The following HSD17B12 variants were observed in gnomAD, a reference collection of about 807,000 sequenced individuals.
HSD17B12 encodes hydroxysteroid 17-beta dehydrogenase 12.
In HSD17B12, 32 loss-of-function variants were observed where a neutral mutation model predicts 39.3. The observed-to-expected ratio is 0.81, with a 90% CI of 0.61 to 1.09. The LOEUF (loss-of-function observed/expected upper bound fraction) is 1.09, where lower values mean the gene tolerates loss of function less well. Ranked by LOEUF, HSD17B12 falls within the 50% of genes least tolerant of loss-of-function variation. The probability of loss-of-function intolerance (pLI) is 0.00; values close to 1 mark genes in which losing one functional copy is unlikely to be tolerated. For missense variants in HSD17B12, 342 were observed against 382.9 expected, an observed-to-expected ratio of 0.89 and a Z score of 0.89; for synonymous variants, 150 against 146.7, an observed-to-expected ratio of 1.02 and a Z score of -0.16.
At chr11:43,581,695 CA>C in the HSD17B12 span, among the ~76,000 whole-genome samples, 3 of 152,106 alleles carry the variant, frequency 2.0e-5, no homozygotes, top group Non-Finnish European at 4.4e-5. The surrounding 1 kb of genome is among the most constrained non-coding windows in gnomAD (Gnocchi z 4.9). Context: ...CTTTGTATCA[CA>C]GGGGGAACTG....
At chr11:43,609,769 C>T in the HSD17B12 span, among the ~76,000 whole-genome samples, 1 of 152,344 alleles carries the variant, frequency 6.6e-6, no homozygotes, top group South Asian at 2.1e-4. Context: ...CATTAACTAT[C>T]TCTGCCAGGT....
intron 3 of HSD17B12, among the ~76,000 whole-genome samples, chr11:43,785,307 T>G (rs1169233973): frequency 6.6e-6 from 1 of 152,172 alleles, no homozygotes; most frequent in Non-Finnish European, 1.5e-5. Context: ...CATATTCATA[T>G]CTAGCAAGGA....
chr11:43,565,656 G>A, the HSD17B12 span, among the ~76,000 whole-genome samples: 1 of 152,178 alleles, frequency 6.6e-6, no homozygotes, highest in African/African-American at 2.4e-5. Context: ...TAAATTAGCT[G>A]TCCCAGCTGT....
At chr11:43,653,464 A>C in the HSD17B12 span, among the ~76,000 whole-genome samples, 3 of 152,132 alleles carry the variant, frequency 2.0e-5, 1 homozygote, top group South Asian at 6.3e-4. Flanking sequence ...GCTTTGTTAC[A>C]TATGTATACC....
At chr11:43,718,307 G>A (rs7117036) in intron 1 of HSD17B12, among the ~76,000 whole-genome samples, 51,315 of 152,064 alleles carry the variant, frequency 0.34, 10,929 homozygotes, top group East Asian at 0.72. Context: ...TTTCTTCCAC[G>A]TGCAGAATAT....
chr11:43,766,811 G>T (rs16937628), intron 3 of HSD17B12, among the ~76,000 whole-genome samples: 5,710 of 152,232 alleles, frequency 0.038, 354 homozygotes, highest in African/African-American at 0.13. Flanking sequence ...GGCACACATG[G>T]TTTTTTAAGC....
At chr11:43,706,195 A>G (rs933184573) in intron 1 of HSD17B12, among the ~76,000 whole-genome samples, 3 of 136,346 alleles carry the variant, frequency 2.2e-5, no homozygotes, top group Non-Finnish European at 3.5e-5. Context: ...GAGATTGTTT[A>G]TCTTTAATAG....
At chr11:43,712,741 C>T (rs1269802616) in intron 1 of HSD17B12, among the ~76,000 whole-genome samples, 1 of 152,116 alleles carries the variant, frequency 6.6e-6, no homozygotes, top group Non-Finnish European at 1.5e-5. Flanking sequence ...GCAAAATTAA[C>T]TTTCTAAACT....
chr11:43,790,597 G>T (rs183327787), intron 3 of HSD17B12, among the ~76,000 whole-genome samples: 5 of 152,316 alleles, frequency 3.3e-5, no homozygotes, highest in African/African-American at 9.6e-5. Flanking sequence ...TGGGTGGTGT[G>T]TACAGCATGG....
chr11:43,673,650 C>T, the HSD17B12 span, among the ~76,000 whole-genome samples: 1 of 126,068 alleles, frequency 7.9e-6, no homozygotes, highest in African/African-American at 2.9e-5. Flanking sequence ...CACCACCAAG[C>T]CCAGCTAGTT....
rs1565114782 is a variant in HSD17B12, at chr11:43,855,236, CAAG to C, written c.933_935del (p.Lys311del). 6.2e-7 allele frequency: 1 copy of C among 1,600,892 alleles called. No homozygotes were observed. The highest frequency in any genetic ancestry group is 1.1e-5 in the South Asian group (1 of 89,408). On this transcript the variant is annotated inframe_deletion, in exon 11 of 11. Coordinates refer to ENST00000278353, the MANE Select transcript of HSD17B12 (RefSeq NM_016142.3). ...CACGGGCTCACTATCTGAAGAAAAC[CAAG>C]AAGAACTAAGCATTGATAACTGCAT...
chr11:43,681,724 G>C (rs1449617242), intron 1 of HSD17B12, among the ~76,000 whole-genome samples: 1 of 150,678 alleles, frequency 6.6e-6, no homozygotes, highest in Admixed American at 6.6e-5. Flanking sequence ...CCCGTAAAGA[G>C]TGAACCAAAC....
chr11:43,589,811 G>A, the HSD17B12 span, among the ~76,000 whole-genome samples: 43 of 152,310 alleles, frequency 2.8e-4, no homozygotes, highest in Non-Finnish European at 5.7e-4. Context: ...TGAGATTTAG[G>A]TTTTTTGCCT....
In HSD17B12 at chr11:43,688,225, A is replaced by T. The variant is rs537532216; in HGVS notation, c.160+7238A>T. 2.3e-3 allele frequency among the ~76,000 whole-genome samples: 349 copies of T among 152,120 alleles called. 2 individuals carry two copies. The highest frequency in any genetic ancestry group is 8.0e-3 in the African/African-American group (332 of 41,502). On this transcript the variant is annotated intron_variant, in intron 1 of 10. Transcript: ENST00000278353. ...ACACTCTGTCTCAAAAAAAAAAAAA[A>T]TTTAATGAATACAATAAAATGGGAA...
chr11:43,608,491 C>T, the HSD17B12 span, among the ~76,000 whole-genome samples: 6 of 152,112 alleles, frequency 3.9e-5, no homozygotes, highest in African/African-American at 1.4e-4. Context: ...CCACCCAGAG[C>T]TAACATCTTA....
the HSD17B12 span, among the ~76,000 whole-genome samples, chr11:43,582,066 C>G: frequency 6.6e-6 from 1 of 152,224 alleles, no homozygotes; most frequent in African/African-American, 2.4e-5. Flanking sequence ...CACCCAGGCA[C>G]CGCCCGATCC....
chr11:43,724,555 A>G (rs1275750946), intron 1 of HSD17B12, among the ~76,000 whole-genome samples: 1 of 152,162 alleles, frequency 6.6e-6, no homozygotes, highest in African/African-American at 2.4e-5. Context: ...AGGTCCTGGA[A>G]GATTTGGTAT....
rs570483410 is a variant in HSD17B12, at chr11:43,681,294, A to G, written c.160+307A>G. 2,308 of 393,494 alleles carry G rather than the reference A, an allele frequency of 5.9e-3. 13 individuals carry two copies. The highest frequency in any genetic ancestry group is 8.2e-3 in the Non-Finnish European group (2,093 of 256,042). 24.4% of individuals were successfully genotyped at this position (393,494 alleles called of 1,614,324 possible). On this transcript the variant is annotated intron_variant, in intron 1 of 10. Transcript: ENST00000278353. ...GTGCCCTTTAAGCCATTCCGTGTTC[A>G]TGGAGCCAGTCAGTCGCCCTGCTGC...
At chr11:43,561,236 A>T in the HSD17B12 span, among the ~76,000 whole-genome samples, 11 of 152,306 alleles carry the variant, frequency 7.2e-5, no homozygotes, top group South Asian at 1.7e-3. Flanking sequence ...TAATTGTGCT[A>T]ATTATTTAGT....
Sources: allele counts gnomAD v4.1 joint callset (sites outside exome capture counted in the v4.1 genomes callset), GRCh38; gene constraint gnomAD v4.1.1; non-coding constraint Gnocchi (gnomAD v3.1); transcripts MANE v1.5; gene names NCBI Gene and HGNC (gene_info 2026-07-23, HGNC 2026-07-21).